Variants in DNAH11 observed in about 807,000 individuals in gnomAD.
DNAH11 encodes the protein dynein axonemal heavy chain 11, also known as axonemal beta dynein heavy chain 11.
A neutral mutation model predicts 526.0 loss-of-function variants in DNAH11; 442 were observed. The observed-to-expected ratio is 0.84, with a 90% confidence interval of 0.78 to 0.91. The LOEUF is 0.91. Among genes scored for constraint, DNAH11 ranks in the 40% least tolerant of loss-of-function variants. The pLI, the probability that DNAH11 is intolerant of heterozygous loss-of-function variation, is 0.00. For missense variants in DNAH11, 6,989 were observed against 5,448.7 expected, an observed-to-expected ratio of 1.28 and a Z score of -8.90; for synonymous variants, 2,461 against 1,935.9, an observed-to-expected ratio of 1.27 and a Z score of -7.12.
At chr7:21,861,815 C>G in intron 68 of DNAH11, 38 bp from the exon 69 acceptor site, 5 of 1,607,444 alleles carry the variant, frequency 3.1e-6, no homozygotes, top group African/African-American at 1.3e-5. Flanking sequence ...ATCCAGGCAC[C>G]AGTTGTCACA....
chr7:21,558,702 A>G, intron 2 of DNAH11, 100 bp from the exon 3 acceptor site: 2 of 798,472 alleles, frequency 2.5e-6, no homozygotes, highest in Non-Finnish European at 3.9e-6. Context: ...TTGGATATTT[A>G]TGAAATTGGA....
Position 21,658,972 on chromosome 7 carries a change from G to A in DNAH11, c.5269G>A (p.Ala1757Thr). 4 of 1,610,328 alleles carry A rather than the reference G, an allele frequency of 2.5e-6. No individual in the cohort carries two copies. The highest frequency in any genetic ancestry group is 3.4e-6 in the Non-Finnish European group (4 of 1,178,368). ...ATGGTGGACCACAGATGTAGGAATA[G>A]CCTTCAGTAGACTGGAAGAAGGCTA... ...QIWWTTDVGI[A>T]FSRLEEGYET... Residue 1757 changes from alanine to threonine, a missense_variant, in exon 30 of 82, where the codon GCC becomes ACC. Transcript: ENST00000409508.
chr7:21,896,843 G>C (rs377008547), intron 79 of DNAH11, among the ~76,000 whole-genome samples: 578 of 152,228 alleles, frequency 3.8e-3, no homozygotes, highest in African/African-American at 0.013. Context: ...AGGATCACTT[G>C]AGCCCAGGAG....
At chr7:21,546,778 G>T (rs1057123972) in intron 2 of DNAH11, among the ~76,000 whole-genome samples, 1 of 152,102 alleles carries the variant, frequency 6.6e-6, no homozygotes, top group Non-Finnish European at 1.5e-5. Context: ...ATGTCATTTG[G>T]TTCTTCTCAG....
chr7:21,897,239 A>T (rs7808371), intron 79 of DNAH11, among the ~76,000 whole-genome samples: 9,234 of 152,202 alleles, frequency 0.061, 300 homozygotes, highest in South Asian at 0.11. Context: ...ATTTTCTTCA[A>T]GACTTCTCTA....
At chr7:21,761,485 A>C (rs892798961) in intron 54 of DNAH11, among the ~76,000 whole-genome samples, 2 of 152,214 alleles carry the variant, frequency 1.3e-5, no homozygotes, top group African/African-American at 4.8e-5. Flanking sequence ...ACATTAGAAA[A>C]GTCTATGTTT....
At chr7:21,720,935 C>T (rs1784852441) in intron 44 of DNAH11, 79 bp downstream of exon 44, 2 of 1,527,888 alleles carry the variant, frequency 1.3e-6, no homozygotes, top group South Asian at 2.4e-5. Flanking sequence ...AACATGTGAT[C>T]TGTACCTTTT....
chr7:21,557,255 C>T (rs1387354135), intron 2 of DNAH11, among the ~76,000 whole-genome samples: 1 of 152,126 alleles, frequency 6.6e-6, no homozygotes, highest in Non-Finnish European at 1.5e-5. Flanking sequence ...CAGTTTCCTA[C>T]AAGCACCATA....
chr7:21,858,903 A>C (rs771864276), intron 68 of DNAH11, among the ~76,000 whole-genome samples: 2 of 152,178 alleles, frequency 1.3e-5, no homozygotes, highest in African/African-American at 4.8e-5. Context: ...AGAAAGTGTA[A>C]ATATCAGGTT....
chr7:21,827,412 T>C (rs1006227140), intron 65 of DNAH11, among the ~76,000 whole-genome samples: 1 of 151,762 alleles, frequency 6.6e-6, no homozygotes, highest in Non-Finnish European at 1.5e-5. Context: ...CCCCTAAATA[T>C]TTTTGAATTT....
intron 29 of DNAH11, among the ~76,000 whole-genome samples, chr7:21,656,794 C>G (rs530264502): frequency 1.3e-5 from 2 of 152,234 alleles, no homozygotes; most frequent in East Asian, 3.9e-4. Context: ...CTTTCTGTTG[C>G]TTTTTAATAT....
At chr7:21,814,070 A>G (rs1338305585) in intron 63 of DNAH11, among the ~76,000 whole-genome samples, 3 of 152,186 alleles carry the variant, frequency 2.0e-5, no homozygotes, top group African/African-American at 7.2e-5. Flanking sequence ...ACAGCATGTT[A>G]TTTTATTGAA....
At chr7:21,627,512 C>T (rs1041902959) in intron 25 of DNAH11, among the ~76,000 whole-genome samples, 1 of 152,146 alleles carries the variant, frequency 6.6e-6, no homozygotes, top group Non-Finnish European at 1.5e-5. Context: ...CCAGTTTTCC[C>T]AGTACCATTT....
At chr7:21,872,167 T>TTTAG (rs1248223865) in intron 73 of DNAH11, among the ~76,000 whole-genome samples, 1 of 135,988 alleles carries the variant, frequency 7.4e-6, no homozygotes, top group Non-Finnish European at 1.6e-5. Flanking sequence ...AATGACCACA[T>TTTAG]TTAGCTTCAA....
chr7:21,630,440 G>A (rs747943614), intron 25 of DNAH11, among the ~76,000 whole-genome samples: 25 of 152,124 alleles, frequency 1.6e-4, no homozygotes, highest in Non-Finnish European at 2.9e-4. Context: ...ATTGTTTAAT[G>A]TCAGTGTTTT....
At chr7:21,659,165 C>A in intron 30 of DNAH11, 134 bp downstream of exon 30, 1 of 748,814 alleles carries the variant, frequency 1.3e-6, no homozygotes, top group East Asian at 2.7e-5. Context: ...TTTTAGCAAT[C>A]AGTTGTTAAA....
At chr7:21,804,210 G>A (rs1247604719) in intron 62 of DNAH11, among the ~76,000 whole-genome samples, 5 of 152,076 alleles carry the variant, frequency 3.3e-5, no homozygotes, top group Admixed American at 1.3e-4. Flanking sequence ...CCGGGTTCAC[G>A]CCATTCTCCT....
intron 28 of DNAH11, among the ~76,000 whole-genome samples, chr7:21,647,570 C>T (rs576938176): frequency 1.3e-4 from 19 of 151,938 alleles, no homozygotes; most frequent in South Asian, 4.2e-4. Flanking sequence ...GCTAGGACTA[C>T]AGGCGCCTAC....
intron 66 of DNAH11, among the ~76,000 whole-genome samples, chr7:21,843,285 C>T (rs912625843): frequency 3.3e-5 from 5 of 151,940 alleles, no homozygotes; most frequent in African/African-American, 1.2e-4. Context: ...AAAATACTGA[C>T]ATAGAAAATA....
Sources: gnomAD v4.1 joint callset for allele counts (sites outside exome capture counted in the v4.1 genomes callset) on GRCh38, gnomAD v4.1.1 for gene constraint, MANE v1.5 for transcripts, NCBI Gene and HGNC (gene_info 2026-07-23, HGNC 2026-07-21) for gene names.